Variants in ANKMY2 observed in about 807,000 individuals in gnomAD.
The protein encoded by ANKMY2 is ankyrin repeat and MYND domain-containing protein 2.
Under a neutral mutation model 50.4 loss-of-function variants are expected in ANKMY2, and 36 were observed. That is an observed-to-expected ratio of 0.71 (90% CI 0.55 to 0.94). The LOEUF is 0.94. Among genes scored for constraint, ANKMY2 ranks in the 40% least tolerant of loss-of-function variants. The pLI, the probability that ANKMY2 is intolerant of heterozygous loss-of-function variation, is 0.00. For synonymous variants in ANKMY2, 187 were observed against 178.8 expected (o/e 1.05, Z -0.36); for missense variants, 565 against 524.0 (o/e 1.08, Z -0.76).
chr7:16,615,708 T>G (rs1781333480), intron 5 of ANKMY2, 36 bp downstream of exon 5: 1 of 1,613,064 alleles, frequency 6.2e-7, no homozygotes, highest in Non-Finnish European at 8.5e-7. Flanking sequence ...GAAGCAATAT[T>G]TACATAAAAA....
chr7:16,602,674 C>T (rs1216292864), intron 8 of ANKMY2, among the ~76,000 whole-genome samples, 165 bp from the exon 9 acceptor site: 1 of 152,194 alleles, frequency 6.6e-6, no homozygotes, highest in African/African-American at 2.4e-5. Context: ...CTCTAAATCT[C>T]ATACTGAATT....
intron 4 of ANKMY2, among the ~76,000 whole-genome samples, chr7:16,618,773 T>C (rs946795694): frequency 1.3e-5 from 2 of 152,356 alleles, no homozygotes; most frequent in South Asian, 2.1e-4. Context: ...AAGTGGGTTA[T>C]GAACACAGTT....
At position 16,627,222 on chromosome 7, in the gene ANKMY2, C is replaced by CT. The variant is rs1242962336; in HGVS notation, c.133-45dup. 1.0e-5 allele frequency: 14 copies of CT among 1,345,616 alleles called. No individual in the cohort carries two copies. In the East Asian group the frequency reaches 3.5e-4, roughly 34 times the overall value. The allele number at this position is 1,345,616 out of a possible 1,614,324, so 83.4% of individuals were successfully genotyped here. A position where few individuals can be genotyped will look rare whatever the true frequency, so the allele number is the denominator to read the frequency against. ...AAAAGTATTAATTTTACTGTTTTAT[C>CT]TTTTCTGTACCTATGAACAATTTCT... On this transcript the variant is annotated intron_variant, in intron 2 of 9. Coordinates refer to ENST00000306999, the MANE Select transcript of ANKMY2 (RefSeq NM_020319.3).
intron 4 of ANKMY2, among the ~76,000 whole-genome samples, chr7:16,619,948 C>T (rs980550820): frequency 2.0e-5 from 3 of 152,202 alleles, no homozygotes; most frequent in Non-Finnish European, 4.4e-5. Flanking sequence ...AAGTTGAATT[C>T]TCATTTGCAA....
chr7:16,627,800 T>C (rs1340617039), intron 2 of ANKMY2, among the ~76,000 whole-genome samples: 6 of 151,776 alleles, frequency 4.0e-5, no homozygotes, highest in African/African-American at 1.2e-4. Context: ...TATAGAGAAA[T>C]GGTTGGTAGT....
At chr7:16,614,084 CAG>C (rs1562769933) in intron 5 of ANKMY2, among the ~76,000 whole-genome samples, 1 of 152,116 alleles carries the variant, frequency 6.6e-6, no homozygotes, top group East Asian at 1.9e-4. Context: ...AAGAGTCTTA[CAG>C]AACCACACAC....
chr7:16,603,529 G>C, intron 8 of ANKMY2: 1 of 426,418 alleles, frequency 2.3e-6, no homozygotes, highest in Non-Finnish European at 5.0e-6. Flanking sequence ...AGATGGGAAT[G>C]AATGTTATTA....
chr7:16,614,398 T>C (rs887588301), intron 5 of ANKMY2, among the ~76,000 whole-genome samples: 8 of 152,164 alleles, frequency 5.3e-5, no homozygotes, highest in African/African-American at 1.9e-4. Flanking sequence ...TAAGAAAAAC[T>C]CTGAGTTTTC....
rs555495170 is a variant in ANKMY2, at chr7:16,634,399, A to G, written c.132+1992T>C. On this transcript the variant is annotated intron_variant, in intron 2 of 9. Coordinates refer to ENST00000306999, the MANE Select transcript of ANKMY2 (RefSeq NM_020319.3). ...AACCTTAAGAGGGTTTATAGGTTACAGTATATGGAGAGGTCAGCCAGACTG... is the reference window on the plus strand; with the variant it reads ...AACCTTAAGAGGGTTTATAGGTTACGGTATATGGAGAGGTCAGCCAGACTG... Among the ~76,000 whole-genome samples, 75 of 152,298 alleles carry G rather than the reference A, an allele frequency of 4.9e-4. 1 individual carries two copies. The South Asian group carries it at 0.015, about 30-fold the overall frequency.
chr7:16,604,374 T>G (rs1040246594), intron 8 of ANKMY2, among the ~76,000 whole-genome samples: 11 of 152,260 alleles, frequency 7.2e-5, no homozygotes, highest in Non-Finnish European at 4.4e-5. Context: ...ATTTATGAAC[T>G]GTCCTATTCT....
At chr7:16,616,023 C>T in intron 4 of ANKMY2, 119 bp from the exon 5 acceptor site, 1 of 970,650 alleles carries the variant, frequency 1.0e-6, no homozygotes, top group South Asian at 1.8e-5. Context: ...CTTTATTTTT[C>T]AGGAAAGGAG....
At chr7:16,627,367 C>T (rs1387957997) in intron 2 of ANKMY2, among the ~76,000 whole-genome samples, 189 bp from the exon 3 acceptor site, 1 of 152,114 alleles carries the variant, frequency 6.6e-6, no homozygotes, top group Non-Finnish European at 1.5e-5. Context: ...GGTTTTATTA[C>T]TGGAGATTTT....
intron 4 of ANKMY2, among the ~76,000 whole-genome samples, chr7:16,619,385 C>T (rs2128343758): frequency 6.6e-6 from 1 of 152,282 alleles, no homozygotes; most frequent in African/African-American, 2.4e-5. Context: ...AACTCCCAAC[C>T]TCAGGTGATC....
rs1266320185 is a variant in ANKMY2, at chr7:16,600,939, T to C, written c.1148A>G (p.Lys383Arg). The change falls in exon 10 of 10, where the codon AAA becomes AGA. Residue 383 changes from lysine (K) to arginine (R), a missense_variant. Transcript: ENST00000306999. ...KEKRQEENHGKLDVNSNCVNE... is the reference protein window; with the variant it reads ...KEKRQEENHGRLDVNSNCVNE... ...AACACAGTTAGAATTGACATCAAGT[T>C]TGCCGTCTGATTAAAAAAAGAAGAA... 7 of 1,583,520 alleles carry C rather than the reference T, an allele frequency of 4.4e-6. No individual in the cohort carries two copies. The highest frequency in any genetic ancestry group is 6.0e-6 in the Non-Finnish European group (7 of 1,164,076).
intron 2 of ANKMY2, among the ~76,000 whole-genome samples, chr7:16,628,128 G>A (rs1425534107): frequency 1.3e-5 from 2 of 152,224 alleles, no homozygotes; most frequent in East Asian, 1.9e-4. Context: ...AGCTGTTAGT[G>A]TGAGTGAATT....
chr7:16,609,469 T>C lies in ANKMY2; in HGVS notation c.882+161A>G, dbSNP rs1781210650. Among the ~76,000 whole-genome samples the C allele has an allele frequency of 2.0e-5, 3 of 152,124 alleles. No homozygotes were observed. In the South Asian group the frequency reaches 6.2e-4, roughly 32 times the overall value. On this transcript the variant is annotated intron_variant, in intron 7 of 9. Transcript: ENST00000306999. ...AGAGGATCGTGAGATGGGAAATAAA[T>C]AAACAGGAACAGGTTTGGCAGGCAA...
In ANKMY2 at chr7:16,645,494, C is replaced by G; in HGVS notation, c.67+13G>C. 6.2e-7 allele frequency: 1 copy of G among 1,607,128 alleles called. No individual in the cohort carries two copies. The highest frequency in any genetic ancestry group is 8.5e-7 in the Non-Finnish European group (1 of 1,177,058). On this transcript the variant is annotated intron_variant, in intron 1 of 9. Transcript: ENST00000306999. ...AGGCTGGCCGCGGCCGCGTCGCAGC[C>G]CAGCACCCGTACCTTTCCCGATGAC...
At chr7:16,615,626 T>C in intron 5 of ANKMY2, 118 bp downstream of exon 5, 1 of 1,303,572 alleles carries the variant, frequency 7.7e-7, no homozygotes, top group Non-Finnish European at 1.1e-6. Context: ...AAGAGCCCAC[T>C]GCAAGCTCTA....
rs1430018992 is a variant in ANKMY2 at position 16,645,663 on chromosome 7, G to A, written c.-90C>T. The A allele has an allele frequency of 3.6e-6, 5 of 1,407,472 alleles. No individual in the cohort carries two copies. The highest frequency in any genetic ancestry group is 1.3e-5 in the South Asian group (1 of 76,452). 87.2% of individuals were successfully genotyped at this position (1,407,472 alleles called of 1,614,324 possible). On this transcript the variant is annotated 5_prime_UTR_variant, in exon 1 of 10. Coordinates refer to ENST00000306999, the MANE Select transcript of ANKMY2 (RefSeq NM_020319.3). ...GTATTGGGAACGCCAGCCGCAATGAGGCAACTTGAGACCAAGACACTGAGT... is the reference window on the plus strand; with the variant it reads ...GTATTGGGAACGCCAGCCGCAATGAAGCAACTTGAGACCAAGACACTGAGT...
Sources: allele counts gnomAD v4.1 joint callset (sites outside exome capture counted in the v4.1 genomes callset), GRCh38; gene constraint gnomAD v4.1.1; transcripts MANE v1.5; gene names NCBI Gene and HGNC (gene_info 2026-07-23, HGNC 2026-07-21).